VSTM2L: variants seen among roughly 807,000 people sequenced by gnomAD.
VSTM2L encodes the protein V-set and transmembrane domain containing 2 like.
A neutral mutation model predicts 19.9 loss-of-function variants in VSTM2L; 9 were observed. The observed-to-expected ratio is 0.45, with a 90% confidence interval of 0.27 to 0.79. The LOEUF (loss-of-function observed/expected upper bound fraction) is 0.79. Ranked by LOEUF, VSTM2L falls within the 30% of genes least tolerant of loss-of-function variation. VSTM2L has a pLI of 0.15. For synonymous variants in VSTM2L, 127 were observed against 133.8 expected (o/e 0.95, Z 0.35); for missense variants, 286 against 295.5 (o/e 0.97, Z 0.24).
chr20:37,931,659 A>T lies in VSTM2L; in HGVS notation c.146A>T (p.Asp49Val). The change falls in exon 2 of 4, where the codon GAC (aspartate) becomes GTC (valine). Residue 49 changes from aspartate (D) to valine (V), a missense_variant. By Grantham distance (152) the Asp-to-Val change is radical. Coordinates refer to ENST00000373461, the MANE Select transcript of VSTM2L (RefSeq NM_080607.3). ...GHALFTETPHDMTARTGEDVE... is the reference protein window; with the variant it reads ...GHALFTETPHVMTARTGEDVE... ...GCCCTGTTCACAGAGACACCCCATG[A>T]CATGACAGCACGGACGGGCGAGGAC... The T allele has an allele frequency of 6.2e-7, 1 of 1,613,232 alleles. No individual in the cohort carries two copies.
At chr20:37,932,623 A>G (rs952494084) in intron 2 of VSTM2L, among the ~76,000 whole-genome samples, 1 of 152,128 alleles carries the variant, frequency 6.6e-6, no homozygotes. Flanking sequence ...CTACTGTGGT[A>G]ACTAACCAAC....
intron 3 of VSTM2L, among the ~76,000 whole-genome samples, chr20:37,937,369 C>T (rs556442108): frequency 1.3e-5 from 2 of 152,198 alleles, no homozygotes; most frequent in South Asian, 4.1e-4. Flanking sequence ...AAAATATCTC[C>T]CTTGGTAGCT....
chr20:37,909,638 T>C (rs923606615), intron 1 of VSTM2L, among the ~76,000 whole-genome samples: 2 of 152,234 alleles, frequency 1.3e-5, no homozygotes, highest in African/African-American at 4.8e-5. Flanking sequence ...TTATCCCTGC[T>C]GAGCAGAGCA....
At chr20:37,927,351 G>A (rs1012465362) in intron 1 of VSTM2L, among the ~76,000 whole-genome samples, 1 of 151,446 alleles carries the variant, frequency 6.6e-6, no homozygotes, top group Admixed American at 6.6e-5. Context: ...TTAATTTCAC[G>A]TGTTTTTTTT....
rs561491123 is a variant in VSTM2L at position 37,903,953 on chromosome 20, G to A, written c.121+482G>A. Among the ~76,000 whole-genome samples the A allele has an allele frequency of 2.3e-4, 35 of 151,984 alleles. 1 individual carries two copies. Among genetic ancestry groups the A allele is most frequent in the South Asian group, 1.0e-3 (5 of 4,808 alleles). The stretch of plus-strand genomic sequence containing the variant: ...TGCAGACACACTGGTGCGCGCGCGC[G>A]CACACACACACAGGCACACACATAC... On this transcript the variant is annotated intron_variant, in intron 1 of 3. Coordinates refer to ENST00000373461, the MANE Select transcript of VSTM2L (RefSeq NM_080607.3).
chr20:37,940,710 A>T (rs1182442923), intron 3 of VSTM2L, among the ~76,000 whole-genome samples: 1 of 152,268 alleles, frequency 6.6e-6, no homozygotes, highest in Non-Finnish European at 1.5e-5. Flanking sequence ...TAATTCACAA[A>T]GAAAAGAGGT....
At chr20:37,912,192 T>C (rs969021231) in intron 1 of VSTM2L, among the ~76,000 whole-genome samples, 1 of 152,216 alleles carries the variant, frequency 6.6e-6, no homozygotes, top group Non-Finnish European at 1.5e-5. Flanking sequence ...GCCCAGCTTG[T>C]GGGACGACAG....
intron 3 of VSTM2L, among the ~76,000 whole-genome samples, chr20:37,943,511 C>G (rs2072985922): frequency 6.6e-6 from 1 of 151,434 alleles, no homozygotes; most frequent in African/African-American, 2.4e-5. Context: ...AGGTCCACTT[C>G]CTCCCCTGTG....
At chr20:37,933,240 C>T (rs1600572418) in intron 2 of VSTM2L, among the ~76,000 whole-genome samples, 1 of 152,230 alleles carries the variant, frequency 6.6e-6, no homozygotes, top group South Asian at 2.1e-4. Context: ...TAGATTTCTG[C>T]CTGTTCACAC....
chr20:37,924,422 G>A lies in VSTM2L; in HGVS notation c.122-7213G>A, dbSNP rs1443290422. Among the ~76,000 whole-genome samples the A allele has an allele frequency of 3.7e-5, 5 of 135,518 alleles. No individual in the cohort carries two copies. The South Asian group carries it at 6.7e-4, about 18-fold the overall frequency. 88.9% of individuals were successfully genotyped at this position (135,518 alleles called of 152,430 possible). On this transcript the variant is annotated intron_variant, in intron 1 of 3. Coordinates refer to ENST00000373461, the MANE Select transcript of VSTM2L (RefSeq NM_080607.3). ...ACAATAATTAGCTGGGCGTGGTGAC[G>A]TGTGCCTGTAATCCCAAGCTACTCG...
At chr20:37,935,884 AT>A (rs11086387) in intron 3 of VSTM2L, among the ~76,000 whole-genome samples, 32,975 of 138,034 alleles carry the variant, frequency 0.24, 3,762 homozygotes, top group Middle Eastern at 0.34. Context: ...CCATACACAG[AT>A]TTTTTTTTTT....
At position 37,919,151 on chromosome 20, in the gene VSTM2L, C is replaced by T. The variant is rs527509637; in HGVS notation, c.122-12484C>T. Reference sequence around the variant, plus strand: ...CCATCAGAGCTGATCTCTTCCATTCCTTTTGAGGGAGGACTTAAGCTCCTA... The same window carrying T: ...CCATCAGAGCTGATCTCTTCCATTCTTTTTGAGGGAGGACTTAAGCTCCTA... On this transcript the variant is annotated intron_variant, in intron 1 of 3. Transcript: ENST00000373461. Among the ~76,000 whole-genome samples, 7 of 152,314 alleles carry T rather than the reference C, an allele frequency of 4.6e-5. No homozygotes were observed. In the East Asian group the frequency reaches 7.7e-4, roughly 17 times the overall value.
rs566232586 is a variant in VSTM2L, at chr20:37,944,330, G to A, written c.*77G>A. On this transcript the variant is annotated 3_prime_UTR_variant, in exon 4 of 4. Coordinates refer to ENST00000373461, the MANE Select transcript of VSTM2L (RefSeq NM_080607.3). Reference sequence around the variant, plus strand: ...AGGAGCCGCCGGACCACCGGGGACCGACTGCCTGCGTCCAGCCGCGCCCCA... The same window carrying A: ...AGGAGCCGCCGGACCACCGGGGACCAACTGCCTGCGTCCAGCCGCGCCCCA... 23 of 1,334,106 alleles carry A rather than the reference G, an allele frequency of 1.7e-5. No homozygotes were observed. The East Asian group carries it at 2.2e-4, about 13-fold the overall frequency. The allele number at this position is 1,334,106 out of a possible 1,614,324, so 82.6% of individuals were successfully genotyped here.
chr20:37,944,889 G>A lies in VSTM2L; in HGVS notation c.*636G>A. On this transcript the variant is annotated 3_prime_UTR_variant, in exon 4 of 4. Coordinates refer to ENST00000373461, the MANE Select transcript of VSTM2L (RefSeq NM_080607.3). ...CTGTGCGACCCTCCAGGGATGCAGG[G>A]GATCCAGGATTCTCTGCCCTGTCAC... The A allele has an allele frequency of 1.0e-6, 1 of 985,946 alleles. No individual in the cohort carries two copies. Among genetic ancestry groups the A allele is most frequent in the Non-Finnish European group, 1.2e-6 (1 of 830,024 alleles). 61.1% of individuals were successfully genotyped at this position (985,946 alleles called of 1,614,324 possible).
At chr20:37,943,230 C>T (rs543657028) in intron 3 of VSTM2L, among the ~76,000 whole-genome samples, 21 of 152,148 alleles carry the variant, frequency 1.4e-4, no homozygotes, top group African/African-American at 4.8e-4. Context: ...CCGCCTCCCT[C>T]GGCCTCCCAA....
chr20:37,945,150 C>T lies in VSTM2L; in HGVS notation c.*897C>T. 3 of 985,714 alleles carry T rather than the reference C, an allele frequency of 3.0e-6. No homozygotes were observed. Among genetic ancestry groups the T allele is most frequent in the Non-Finnish European group, 3.6e-6 (3 of 829,946 alleles). The allele number at this position is 985,714 out of a possible 1,614,324, so 61.1% of individuals were successfully genotyped here. A position where few individuals can be genotyped will look rare whatever the true frequency, so the allele number is the denominator to read the frequency against. ...CCCTCACGATTCCCGATCACGGGCA[C>T]ACCTGCCCCCTGGTTATTTGTAAAT... On this transcript the variant is annotated 3_prime_UTR_variant, in exon 4 of 4. Transcript: ENST00000373461.
At chr20:37,907,057 C>G (rs1035697609) in intron 1 of VSTM2L, among the ~76,000 whole-genome samples, 1 of 152,146 alleles carries the variant, frequency 6.6e-6, no homozygotes, top group African/African-American at 2.4e-5. Flanking sequence ...CCCCCAAACC[C>G]GCTGCCAGAA....
intron 1 of VSTM2L, among the ~76,000 whole-genome samples, chr20:37,927,960 G>C (rs559951164): frequency 1.3e-5 from 2 of 152,280 alleles, no homozygotes; most frequent in South Asian, 2.1e-4. Flanking sequence ...AGCCTTTCTT[G>C]CTCTGTGTTC....
intron 1 of VSTM2L, among the ~76,000 whole-genome samples, chr20:37,929,860 G>T (rs574964063): frequency 5.9e-5 from 9 of 152,136 alleles, no homozygotes; most frequent in Admixed American, 1.3e-4. Flanking sequence ...GGAAGGAGGG[G>T]GTGGCCCTCA....
Sources: allele counts gnomAD v4.1 joint callset (sites outside exome capture counted in the v4.1 genomes callset), GRCh38; gene constraint gnomAD v4.1.1; transcripts MANE v1.5; gene names NCBI Gene and HGNC (gene_info 2026-07-23, HGNC 2026-07-21).